Variants in DAB1 observed in about 807,000 individuals in gnomAD.
DAB1 encodes the protein DAB adaptor protein 1, also known as disabled homolog 1.
DAB1 carries 15 observed loss-of-function variants against 64.6 expected under a neutral mutation model. That is an observed-to-expected ratio of 0.23 (90% CI 0.16 to 0.36). The LOEUF is 0.36. Among genes scored for constraint, DAB1 ranks in the 10% least tolerant of loss-of-function variants. DAB1 has a pLI of 1.00. For missense variants in DAB1, 596 were observed against 706.7 expected, an observed-to-expected ratio of 0.84 and a Z score of 1.78; for synonymous variants, 235 against 251.9, an observed-to-expected ratio of 0.93 and a Z score of 0.64.
At chr1:57,638,083 A>G (rs1379969535) in intron 7 of DAB1, among the ~76,000 whole-genome samples, 1 of 152,224 alleles carries the variant, frequency 6.6e-6, no homozygotes, top group East Asian at 1.9e-4. Context: ...ATAAAAATGC[A>G]TAATGTAAAG....
intron 3 of DAB1, among the ~76,000 whole-genome samples, chr1:58,430,513 A>G (rs1644860526): frequency 6.6e-6 from 1 of 152,228 alleles, no homozygotes; most frequent in Non-Finnish European, 1.5e-5. Flanking sequence ...CTGTGGCGCC[A>G]GAAGTGCCCT....
chr1:57,436,472 G>A (rs961281730), intron 7 of DAB1, among the ~76,000 whole-genome samples: 2 of 152,150 alleles, frequency 1.3e-5, no homozygotes, highest in Non-Finnish European at 2.9e-5. Flanking sequence ...CAGCTAACCA[G>A]CCCCTACAAC....
At chr1:58,519,758 AT>A (rs1424786765) in intron 2 of DAB1, among the ~76,000 whole-genome samples, 1 of 152,212 alleles carries the variant, frequency 6.6e-6, no homozygotes, top group Non-Finnish European at 1.5e-5. Context: ...AAAATATATG[AT>A]TAACATATTC....
intron 1 of DAB1, among the ~76,000 whole-genome samples, chr1:57,302,567 A>G (rs1266306509): frequency 6.6e-6 from 1 of 152,096 alleles, no homozygotes; most frequent in Non-Finnish European, 1.5e-5. Context: ...TTCTTATTTA[A>G]TTGGTTTGAG....
intron 7 of DAB1, among the ~76,000 whole-genome samples, chr1:57,443,773 C>T (rs1016357489): frequency 1.2e-4 from 19 of 152,210 alleles, no homozygotes; most frequent in Admixed American, 7.8e-4. Context: ...AAGCAGTTCA[C>T]CTCCATCATC....
chr1:57,131,210 A>G (rs918360341), intron 4 of DAB1, among the ~76,000 whole-genome samples: 71 of 152,288 alleles, frequency 4.7e-4, no homozygotes, highest in African/African-American at 1.7e-3. Context: ...ATTTGAATTC[A>G]ATTTCTTTTG....
intron 2 of DAB1, among the ~76,000 whole-genome samples, chr1:57,226,672 A>AAATATATATATAT (rs747021990): frequency 3.7e-5 from 5 of 136,014 alleles, no homozygotes; most frequent in South Asian, 4.4e-4. Flanking sequence ...TTAAAAAAAA[A>AAATATATATATAT]ATATATATAT....
chr1:57,436,005 C>T (rs1469994296), intron 7 of DAB1, among the ~76,000 whole-genome samples: 7 of 150,362 alleles, frequency 4.7e-5, no homozygotes, highest in South Asian at 2.1e-4. Context: ...CAACTTCTGC[C>T]TCCCGGGTTC....
intron 4 of DAB1, among the ~76,000 whole-genome samples, chr1:58,301,067 G>A (rs955928752): frequency 1.2e-4 from 18 of 152,032 alleles, no homozygotes; most frequent in African/African-American, 3.9e-4. Flanking sequence ...CTCACCCTCC[G>A]TAATGTGACT....
intron 7 of DAB1, among the ~76,000 whole-genome samples, chr1:57,477,391 T>C (rs970954451): frequency 2.6e-5 from 4 of 152,178 alleles, no homozygotes; most frequent in South Asian, 4.1e-4. Flanking sequence ...TTCTATTCTA[T>C]TTCATTCTAA....
At chr1:58,518,349 A>AAGG (rs1646204855) in intron 2 of DAB1, among the ~76,000 whole-genome samples, 2 of 59,734 alleles carry the variant, frequency 3.3e-5, no homozygotes, top group African/African-American at 1.3e-4. Context: ...AGAAGAGAAG[A>AAGG]GAAGGGAAGG....
chr1:57,091,825 A>ATAAATGTTACCTAAGTGTGTGGTT (rs1406403868), intron 4 of DAB1, among the ~76,000 whole-genome samples: 1 of 152,144 alleles, frequency 6.6e-6, no homozygotes, highest in African/African-American at 2.4e-5. Context: ...CTGGCACCTA[A>ATAAATGTTACCTAAGTGTGTGGTT]TAAATGTTAC....
chr1:58,016,157 G>A (rs1302613351), intron 5 of DAB1, among the ~76,000 whole-genome samples: 3 of 152,132 alleles, frequency 2.0e-5, no homozygotes, highest in Non-Finnish European at 2.9e-5. Flanking sequence ...TTGGGGGTCA[G>A]TACATTTTTT....
chr1:57,593,881 A>G (rs557639886), intron 7 of DAB1, among the ~76,000 whole-genome samples: 1 of 152,334 alleles, frequency 6.6e-6, no homozygotes, highest in African/African-American at 2.4e-5. Context: ...TATTCCCAAA[A>G]GTTCTAGCAG....
At chr1:57,663,850 G>T (rs536068753) in intron 6 of DAB1, among the ~76,000 whole-genome samples, 43 of 152,180 alleles carry the variant, frequency 2.8e-4, no homozygotes, top group Non-Finnish European at 5.0e-4. Flanking sequence ...GAGACCAAAG[G>T]CTGTAACTAG....
In DAB1 at chr1:57,404,892, T is replaced by G. The variant is rs269046; in HGVS notation, c.-137+19038A>C. Among the ~76,000 whole-genome samples, 1,195 of 152,334 alleles carry G rather than the reference T, an allele frequency of 7.8e-3. 18 individuals are homozygous for G. The highest frequency in any genetic ancestry group is 0.026 in the African/African-American group (1,098 of 41,570). ...CCAATGAATTTTCTGTTGTTTTTATTGTGAACAACTTTTTTATATCCTAAC... is the reference window on the plus strand; with the variant it reads ...CCAATGAATTTTCTGTTGTTTTTATGGTGAACAACTTTTTTATATCCTAAC... On this transcript the variant is annotated intron_variant, in intron 1 of 14. Transcript: ENST00000371236.
intron 4 of DAB1, among the ~76,000 whole-genome samples, chr1:57,096,455 G>T (rs1490131933): frequency 6.6e-6 from 1 of 152,172 alleles, no homozygotes; most frequent in Non-Finnish European, 1.5e-5. Context: ...TTCAGCAAAA[G>T]AAATATTGAG....
chr1:57,254,680 T>C (rs1400948066), intron 2 of DAB1, among the ~76,000 whole-genome samples: 2 of 152,194 alleles, frequency 1.3e-5, no homozygotes, highest in Non-Finnish European at 2.9e-5. Flanking sequence ...CTGTCTAGGT[T>C]ATTTCTTTTG....
chr1:57,888,757 A>G (rs1569926206), upstream of DAB1, among the ~76,000 whole-genome samples: 1 of 152,270 alleles, frequency 6.6e-6, no homozygotes, highest in Non-Finnish European at 1.5e-5. Flanking sequence ...GATAGTGCAC[A>G]AATGAGAAAA....
Sources: gnomAD v4.1 joint callset for allele counts (sites outside exome capture counted in the v4.1 genomes callset) on GRCh38, gnomAD v4.1.1 for gene constraint, MANE v1.5 for transcripts, NCBI Gene and HGNC (gene_info 2026-07-23, HGNC 2026-07-21) for gene names.